CDC42BPG: variants seen among roughly 807,000 people sequenced by gnomAD.
CDC42BPG encodes serine/threonine-protein kinase MRCK gamma.
In CDC42BPG, 157 loss-of-function variants were observed where a neutral mutation model predicts 192.2. That is an observed-to-expected ratio of 0.82 (90% CI 0.72 to 0.93). CDC42BPG has a LOEUF of 0.93. Ranked by LOEUF, CDC42BPG falls within the 40% of genes least tolerant of loss-of-function variation. CDC42BPG has a pLI of 0.00. For synonymous variants in CDC42BPG, 981 were observed against 918.5 expected, an observed-to-expected ratio of 1.07 and a Z score of -1.23; for missense variants, 1,992 against 2,122.1, an observed-to-expected ratio of 0.94 and a Z score of 1.20.
At position 64,839,240 on chromosome 11, in the gene CDC42BPG, G is replaced by C. The variant is rs755744329; in HGVS notation, c.676-7C>G. The stretch of plus-strand genomic sequence containing the variant: ...CTGCCACTGATGAATCCACCTGTGG[G>C]TGGTGGTGGTGAAGCCATGAGGACA... On this transcript the variant is annotated splice_region_variant and splice_polypyrimidine_tract_variant and intron_variant, in intron 6 of 36. Coordinates refer to ENST00000342711, the MANE Select transcript of CDC42BPG (RefSeq NM_017525.3). 5.0e-6 allele frequency: 8 copies of C among 1,612,508 alleles called. No individual in the cohort carries two copies. The highest frequency in any genetic ancestry group is 6.8e-6 in the Non-Finnish European group (8 of 1,179,656).
intron 3 of CDC42BPG, among the ~76,000 whole-genome samples, chr11:64,841,429 T>C (rs546834272): frequency 6.9e-4 from 105 of 151,638 alleles, no homozygotes; most frequent in Non-Finnish European, 1.4e-3. Flanking sequence ...TCCAGCCTAG[T>C]TGACAGAGCA....
At position 64,834,302 on chromosome 11, in the gene CDC42BPG, T is replaced by C; in HGVS notation, c.2377A>G (p.Met793Val). The C allele has an allele frequency of 6.3e-7, 1 of 1,581,198 alleles. No individual in the cohort carries two copies. The highest frequency in any genetic ancestry group is 8.6e-7 in the Non-Finnish European group (1 of 1,168,312). Residue 793 changes from methionine (M) to valine (V), a missense_variant, in exon 20 of 37, where the codon ATG becomes GTG. By Grantham distance (21) the Met-to-Val change is conservative. Transcript: ENST00000342711. Reference sequence around the variant, plus strand: ...CGGGCCCGCAGCTCCTCCCGCAGCATGGCGAGCTCCTGTTGCAGGGCCTGG... The same window carrying C: ...CGGGCCCGCAGCTCCTCCCGCAGCACGGCGAGCTCCTGTTGCAGGGCCTGG... ...QSQALQQELA[M>V]LREELRARGP...
At position 64,829,579 on chromosome 11, in the gene CDC42BPG, G is replaced by A; in HGVS notation, c.3859C>T (p.Leu1287Phe). ...GTGAAGAGTAGCAGGAACTCGCTGA[G>A]GCTAAGCTCCACGGCACCCAGTGCC... is the stretch of plus-strand genomic sequence containing the variant. ...GEALGAVELS[L>F]SEFLLLFTTA... The change falls in exon 30 of 37, where the codon CTC becomes TTC. Residue 1287 changes from leucine to phenylalanine, a missense_variant. Physicochemically the swap from Leu to Phe is conservative, Grantham distance 22. Coordinates refer to ENST00000342711, the MANE Select transcript of CDC42BPG (RefSeq NM_017525.3). The A allele has an allele frequency of 1.2e-6, 2 of 1,612,600 alleles. No homozygotes were observed. The highest frequency in any genetic ancestry group is 8.5e-7 in the Non-Finnish European group (1 of 1,179,760).
Position 64,835,331 on chromosome 11 carries a change from G to A in CDC42BPG, c.1953+16C>T. 6.2e-7 allele frequency: 1 copy of A among 1,613,358 alleles called. No homozygotes were observed. The highest frequency in any genetic ancestry group is 1.1e-5 in the South Asian group (1 of 91,054). ...TGTCCGTCTGTTGTACCCTCCGTCT[G>A]TTGTACCCTGCTCACCCGCTCCTGC... On this transcript the variant is annotated intron_variant, in intron 16 of 36. Transcript: ENST00000342711.
At chr11:64,828,680 C>T (rs1162444832) in intron 30 of CDC42BPG, among the ~76,000 whole-genome samples, 5 of 152,134 alleles carry the variant, frequency 3.3e-5, no homozygotes, top group African/African-American at 9.7e-5. Context: ...TTTGGGAGGC[C>T]GCGCGGGAGG....
Position 64,833,645 on chromosome 11 carries a change from T to G in CDC42BPG, c.2580A>C (p.Arg860Ser), listed in dbSNP as rs1416039768. The G allele has an allele frequency of 6.2e-7, 1 of 1,612,294 alleles. No individual in the cohort carries two copies. The highest frequency in any genetic ancestry group is 1.1e-5 in the South Asian group (1 of 90,830). ...TAGAGGCTGTGTTGGCAGTGGGTGC[T>G]CTGGGGAACACAGCCTGCAGGAGGG... ...RSLRMGAVFP[R>S]APTANTASTE... The change falls in exon 23 of 37, where the codon AGA becomes AGC. Residue 860 changes from arginine to serine, a missense_variant. Coordinates refer to ENST00000342711, the MANE Select transcript of CDC42BPG (RefSeq NM_017525.3).
At chr11:64,840,380 T>A in intron 4 of CDC42BPG, 112 bp from the exon 5 acceptor site, 1 of 1,475,496 alleles carries the variant, frequency 6.8e-7, no homozygotes, top group Non-Finnish European at 9.1e-7. Flanking sequence ...AGCTCTGGGC[T>A]GGCCAGTTCC....
intron 13 of CDC42BPG, 116 bp downstream of exon 13, chr11:64,836,001 C>G: frequency 7.3e-7 from 1 of 1,362,148 alleles, no homozygotes; most frequent in Non-Finnish European, 1.0e-6. Flanking sequence ...ATCCCCTGGC[C>G]TAGCCTCTGC....
At chr11:64,824,808 C>T (rs1942357438) in intron 36 of CDC42BPG, among the ~76,000 whole-genome samples, 2 of 152,128 alleles carry the variant, frequency 1.3e-5, no homozygotes, top group Non-Finnish European at 2.9e-5. Flanking sequence ...GCAATAATGG[C>T]ATGATCTTGG....
rs755861036 is a variant in CDC42BPG, at chr11:64,827,173, G to A, written c.4272-6C>T. The A allele has an allele frequency of 1.9e-6, 3 of 1,613,872 alleles. No individual in the cohort carries two copies. The highest frequency in any genetic ancestry group is 1.1e-5 in the South Asian group (1 of 91,082). On this transcript the variant is annotated splice_polypyrimidine_tract_variant and splice_region_variant and intron_variant, in intron 33 of 36. Coordinates refer to ENST00000342711, the MANE Select transcript of CDC42BPG (RefSeq NM_017525.3). ...AAGGGTCCTTCAGCATCTCCCTGTG[G>A]GCGGAGGTGTAAGTAGTGGGTGGCG...
chr11:64,841,535 C>G, intron 3 of CDC42BPG, 115 bp downstream of exon 3: 2 of 786,258 alleles, frequency 2.5e-6, no homozygotes, highest in South Asian at 1.5e-5. Flanking sequence ...AGGGTGGCAC[C>G]CTTTGCCTGG....
chr11:64,837,033 G>A lies in CDC42BPG; in HGVS notation c.1206-14C>T, dbSNP rs747649507. On this transcript the variant is annotated splice_polypyrimidine_tract_variant and intron_variant, in intron 9 of 36. Coordinates refer to ENST00000342711, the MANE Select transcript of CDC42BPG (RefSeq NM_017525.3). ...TCAGGACTGTGACTGTAGGGGGACAGGGGCCATGTTTGTTGGTAGAAACCT... is the reference window on the plus strand; with the variant it reads ...TCAGGACTGTGACTGTAGGGGGACAAGGGCCATGTTTGTTGGTAGAAACCT... The A allele has an allele frequency of 6.2e-7, 1 of 1,604,226 alleles. No individual in the cohort carries two copies. Among genetic ancestry groups the A allele is most frequent in the Non-Finnish European group, 8.5e-7 (1 of 1,171,544 alleles).
In CDC42BPG at chr11:64,836,487, G is replaced by A; in HGVS notation, c.1428C>T (p.Pro476=). ...DKASLSQTDG[P]PAGSPGQDSD... The stretch of plus-strand genomic sequence containing the variant: ...TGTCCTGACCTGGGCTACCAGCTGG[G>A]GGCCCATCCGTCTGGGACAATGAGG... The change falls in exon 12 of 37, where the codon CCC becomes CCT. Residue 476 remains proline (P), a synonymous_variant. Coordinates refer to ENST00000342711, the MANE Select transcript of CDC42BPG (RefSeq NM_017525.3). 1 of 1,613,550 alleles carries A rather than the reference G, an allele frequency of 6.2e-7. No individual in the cohort carries two copies. Among genetic ancestry groups the A allele is most frequent in the Non-Finnish European group, 8.5e-7 (1 of 1,179,964 alleles).
chr11:64,825,026 C>T (rs1942365712), intron 36 of CDC42BPG, among the ~76,000 whole-genome samples: 1 of 152,106 alleles, frequency 6.6e-6, no homozygotes, highest in Non-Finnish European at 1.5e-5. Flanking sequence ...AAGTGATTCT[C>T]CTGCCTCGGC....
At position 64,844,396 on chromosome 11, in the gene CDC42BPG, G is replaced by T. The variant is rs1317398913; in HGVS notation, c.160+14C>A. The T allele has an allele frequency of 2.8e-6, 4 of 1,406,618 alleles. No individual in the cohort carries two copies. The East Asian group carries it at 9.0e-5, about 32-fold the overall frequency. The allele number at this position is 1,406,618 out of a possible 1,614,324, so 87.1% of individuals were successfully genotyped here. ...CCTAGGCCCGCCCCCGCTCCGTGCC[G>T]CCCCGCCACTCACCCCAGCTCAGGA... On this transcript the variant is annotated intron_variant, in intron 1 of 36. Transcript: ENST00000342711.
Position 64,833,805 on chromosome 11 carries a change from C to G in CDC42BPG, c.2498G>C (p.Gly833Ala), listed in dbSNP as rs942505235. The G allele has an allele frequency of 1.2e-6, 2 of 1,614,246 alleles. No individual in the cohort carries two copies. Among genetic ancestry groups the G allele is most frequent in the Non-Finnish European group, 1.7e-6 (2 of 1,180,040 alleles). Reference sequence around the variant, plus strand: ...CTCTCCTCCATGCCTTGTGGCCTCTCCTGAGATGCCAGGGTCCTTGGCAGA... The same window carrying G: ...CTCTCCTCCATGCCTTGTGGCCTCTGCTGAGATGCCAGGGTCCTTGGCAGA... ...KDSAKDPGISGEATRHGGEPD... is the reference protein window; with the variant it reads ...KDSAKDPGISAEATRHGGEPD... Residue 833 changes from glycine to alanine, a missense_variant, in exon 22 of 37, where the codon GGA becomes GCA. Coordinates refer to ENST00000342711, the MANE Select transcript of CDC42BPG (RefSeq NM_017525.3).
chr11:64,844,474 C>A lies in CDC42BPG; in HGVS notation c.96G>T (p.Leu32=). 6.9e-7 allele frequency: 1 copy of A among 1,445,504 alleles called. No homozygotes were observed. Among genetic ancestry groups the A allele is most frequent in the Non-Finnish European group, 9.1e-7 (1 of 1,103,730 alleles). The allele number at this position is 1,445,504 out of a possible 1,614,324, so 89.5% of individuals were successfully genotyped here. ...GGGGGCCGCTGCTGAGCTCGTGGTGCAGCGCCAGCAGCAGATCTAGGAGGC... is the reference window on the plus strand; with the variant it reads ...GGGGGCCGCTGCTGAGCTCGTGGTGAAGCGCCAGCAGCAGATCTAGGAGGC... ...LDGLLDLLLA[L]HHELSSGPLR... Residue 32 remains leucine (L), a synonymous_variant, in exon 1 of 37, where the codon CTG becomes CTT. Coordinates refer to ENST00000342711, the MANE Select transcript of CDC42BPG (RefSeq NM_017525.3).
chr11:64,830,886 A>T (rs1251123509), intron 28 of CDC42BPG, among the ~76,000 whole-genome samples: 2 of 152,206 alleles, frequency 1.3e-5, no homozygotes, highest in African/African-American at 4.8e-5. Context: ...GCTTGTAGTG[A>T]GACAGCCAGG....
rs961386727 is a variant in CDC42BPG at position 64,832,666 on chromosome 11, A to G, written c.2943T>C (p.Phe981=). 1.9e-6 allele frequency: 3 copies of G among 1,613,690 alleles called. No homozygotes were observed. Among genetic ancestry groups the G allele is most frequent in the Non-Finnish European group, 2.5e-6 (3 of 1,179,978 alleles). ...GGCTGAGCCTCAGGTCAGGGGCGTC[A>G]AACAGCAGCAGGCGTGAGTCACTCA... is the stretch of plus-strand genomic sequence containing the variant. The part of the protein sequence containing the change: ...AALSDSRLLL[F]DAPDLRLSPP... The change falls in exon 26 of 37, where the codon TTT becomes TTC. Residue 981 remains phenylalanine, a synonymous_variant. Coordinates refer to ENST00000342711, the MANE Select transcript of CDC42BPG (RefSeq NM_017525.3).
Sources: allele counts gnomAD v4.1 joint callset (sites outside exome capture counted in the v4.1 genomes callset), GRCh38; gene constraint gnomAD v4.1.1; transcripts MANE v1.5; gene names NCBI Gene and HGNC (gene_info 2026-07-23, HGNC 2026-07-21).